The following TMEM132D variants were observed in gnomAD, a reference collection of about 807,000 sequenced individuals.
The protein encoded by TMEM132D is transmembrane protein 132D.
TMEM132D carries 21 observed loss-of-function variants against 62.3 expected under a neutral mutation model. That is an observed-to-expected ratio of 0.34 (90% CI 0.24 to 0.49). The LOEUF is 0.49. Ranked by LOEUF, TMEM132D falls within the 20% of genes least tolerant of loss-of-function variation. The pLI, the probability that TMEM132D is intolerant of heterozygous loss-of-function variation, is 0.99. For missense variants in TMEM132D, 1,346 were observed against 1,402.8 expected, an observed-to-expected ratio of 0.96 and a Z score of 0.65; for synonymous variants, 621 against 575.6, an observed-to-expected ratio of 1.08 and a Z score of -1.13.
At chr12:129,515,989 C>T (rs911969961) in intron 3 of TMEM132D, among the ~76,000 whole-genome samples, 1 of 152,160 alleles carries the variant, frequency 6.6e-6, no homozygotes, top group Admixed American at 6.5e-5. Flanking sequence ...AAAGATATTC[C>T]TTTCTCTCCC....
At chr12:129,872,147 G>T (rs2047709) in intron 1 of TMEM132D, among the ~76,000 whole-genome samples, 110,352 of 152,110 alleles carry the variant, frequency 0.73, 41,841 homozygotes, top group South Asian at 0.91. Context: ...GTTTAGTGAC[G>T]TCTCAGTGTC....
chr12:129,552,663 C>A (rs572476779), intron 2 of TMEM132D, among the ~76,000 whole-genome samples: 1 of 152,264 alleles, frequency 6.6e-6, no homozygotes, highest in South Asian at 2.1e-4. Context: ...TATCTACCTA[C>A]TTGCCTGATA....
chr12:129,417,044 A>T (rs938903698), intron 3 of TMEM132D, among the ~76,000 whole-genome samples: 25 of 152,194 alleles, frequency 1.6e-4, no homozygotes, highest in African/African-American at 6.0e-4. Context: ...TTTTGGTATC[A>T]GAATGATGCT....
chr12:129,304,167 T>C (rs1282461328), intron 4 of TMEM132D, among the ~76,000 whole-genome samples: 1 of 152,252 alleles, frequency 6.6e-6, no homozygotes, highest in Non-Finnish European at 1.5e-5. Context: ...TCGCAGTCTG[T>C]AAGCAGAGTC....
chr12:129,483,812 G>GTTT (rs1473805839), intron 3 of TMEM132D, among the ~76,000 whole-genome samples: 1 of 152,176 alleles, frequency 6.6e-6, no homozygotes, highest in Non-Finnish European at 1.5e-5. Context: ...GAACTGTAGT[G>GTTT]TTTCATTCAC....
intron 5 of TMEM132D, among the ~76,000 whole-genome samples, chr12:129,104,782 A>C (rs1455578314): frequency 1.3e-5 from 2 of 149,514 alleles, no homozygotes; most frequent in African/African-American, 2.5e-5. Context: ...GCCAAAAAAC[A>C]CATGAAAAAA....
At chr12:129,301,030 T>G (rs1186932169) in intron 4 of TMEM132D, among the ~76,000 whole-genome samples, 3 of 152,086 alleles carry the variant, frequency 2.0e-5, no homozygotes, top group African/African-American at 7.2e-5. Flanking sequence ...TCACCTCACA[T>G]CTCTAGCCAC....
At chr12:129,836,495 A>AGTGTGT (rs3046909) in intron 1 of TMEM132D, among the ~76,000 whole-genome samples, 3,227 of 150,872 alleles carry the variant, frequency 0.021, 69 homozygotes, top group South Asian at 0.081. Context: ...AGGAATGCAG[A>AGTGTGT]GTGTGTGTGT....
At chr12:129,799,029 G>A (rs1871654175) in intron 1 of TMEM132D, among the ~76,000 whole-genome samples, 1 of 152,214 alleles carries the variant, frequency 6.6e-6, no homozygotes, top group African/African-American at 2.4e-5. Context: ...ACTCTGGGAG[G>A]CCAAGGCGGG....
At chr12:129,776,935 G>A (rs1337687671) in intron 1 of TMEM132D, among the ~76,000 whole-genome samples, 1 of 151,946 alleles carries the variant, frequency 6.6e-6, no homozygotes, top group African/African-American at 2.4e-5. Flanking sequence ...CTGTATCTTT[G>A]AATAGCGTCA....
In TMEM132D at chr12:129,200,355, C is replaced by A. The variant is rs187106871; in HGVS notation, c.1443+9165G>T. Reference sequence around the variant, plus strand: ...ACTCCTTCACTAATCAAAAGTGCATCTCTTGTGTTAGTGCATCAAAGGTAT... The same window carrying A: ...ACTCCTTCACTAATCAAAAGTGCATATCTTGTGTTAGTGCATCAAAGGTAT... On this transcript the variant is annotated intron_variant, in intron 5 of 8. Transcript: ENST00000422113. 1.1e-3 allele frequency among the ~76,000 whole-genome samples: 175 copies of A among 152,330 alleles called. 1 individual carries two copies. Among genetic ancestry groups the A allele is most frequent in the Non-Finnish European group, 1.8e-3 (120 of 68,036 alleles).
rs150093290 is a variant in TMEM132D at position 129,413,779 on chromosome 12, C to A, written c.1116-75962G>T. Among the ~76,000 whole-genome samples the A allele has an allele frequency of 7.9e-4, 120 of 152,258 alleles. 1 individual carries two copies. Among genetic ancestry groups the A allele is most frequent in the African/African-American group, 2.8e-3 (117 of 41,554 alleles). ...CACTCAATTCTAGGGGACAATCAAA[C>A]CATATGGTAAATTTTATAATAGAGG... On this transcript the variant is annotated intron_variant, in intron 3 of 8. Transcript: ENST00000422113.
At position 129,242,602 on chromosome 12, in the gene TMEM132D, T is replaced by G. The variant is rs2064855360; in HGVS notation, c.1300-32939A>C. Among the ~76,000 whole-genome samples, 3 of 152,172 alleles carry G rather than the reference T, an allele frequency of 2.0e-5. No homozygotes were observed. The South Asian group carries it at 6.2e-4, about 31-fold the overall frequency. On this transcript the variant is annotated intron_variant, in intron 4 of 8. Transcript: ENST00000422113. ...GGTTATCACCACTTGTATATTTGAATTCATTTTTTGTGCTTTTCAATTTAT... is the reference window on the plus strand; with the variant it reads ...GGTTATCACCACTTGTATATTTGAAGTCATTTTTTGTGCTTTTCAATTTAT...
At position 129,795,162 on chromosome 12, in the gene TMEM132D, C is replaced by G. The variant is rs1308093124; in HGVS notation, c.80-94464G>C. Among the ~76,000 whole-genome samples, 4 of 152,306 alleles carry G rather than the reference C, an allele frequency of 2.6e-5. No individual in the cohort carries two copies. The East Asian group carries it at 7.7e-4, about 29-fold the overall frequency. ...TTAACATGATACTCCATTTGAATTACAGTTTCTTTCATCCCTTCCAGGAGC... is the reference window on the plus strand; with the variant it reads ...TTAACATGATACTCCATTTGAATTAGAGTTTCTTTCATCCCTTCCAGGAGC... On this transcript the variant is annotated intron_variant, in intron 1 of 8. Coordinates refer to ENST00000422113, the MANE Select transcript of TMEM132D (RefSeq NM_133448.3).
At chr12:129,398,602 T>C (rs1006365652) in intron 3 of TMEM132D, among the ~76,000 whole-genome samples, 2 of 152,204 alleles carry the variant, frequency 1.3e-5, no homozygotes, top group Admixed American at 6.5e-5. Context: ...CTATGCATGA[T>C]GAGGATCACA....
intron 1 of TMEM132D, among the ~76,000 whole-genome samples, chr12:129,813,611 GATAT>G (rs3046846): frequency 0.097 from 13,279 of 136,650 alleles, 1,051 homozygotes; most frequent in East Asian, 0.15. Flanking sequence ...CAGAAAATGT[GATAT>G]ATATATATAT....
intron 3 of TMEM132D, among the ~76,000 whole-genome samples, chr12:129,412,871 C>T (rs189141394): frequency 6.6e-6 from 1 of 152,132 alleles, no homozygotes; most frequent in Non-Finnish European, 1.5e-5. Context: ...ACAACAACAA[C>T]ACATGAGGAA....
intron 5 of TMEM132D, among the ~76,000 whole-genome samples, chr12:129,131,892 T>C (rs1876385435): frequency 6.6e-6 from 1 of 152,140 alleles, no homozygotes; most frequent in Non-Finnish European, 1.5e-5. Flanking sequence ...AAGCAAATAT[T>C]TCCTTAATAT....
At chr12:129,438,772 G>C in intron 3 of TMEM132D, among the ~76,000 whole-genome samples, 1 of 152,274 alleles carries the variant, frequency 6.6e-6, no homozygotes, top group Middle Eastern at 3.4e-3. Flanking sequence ...ACATGGGATA[G>C]CTCAGTGATG....
Sources: allele counts gnomAD v4.1 joint callset (sites outside exome capture counted in the v4.1 genomes callset), GRCh38; gene constraint gnomAD v4.1.1; transcripts MANE v1.5; gene names NCBI Gene and HGNC (gene_info 2026-07-23, HGNC 2026-07-21).